The following KMT2C variants were observed in gnomAD, a reference collection of about 807,000 sequenced individuals.
The protein encoded by KMT2C is histone-lysine N-methyltransferase 2C.
A neutral mutation model predicts 507.9 loss-of-function variants in KMT2C; 88 were observed. That is an observed-to-expected ratio of 0.17 (90% confidence interval 0.15 to 0.21). The LOEUF (loss-of-function observed/expected upper bound fraction) is 0.21. Ranked by LOEUF, KMT2C falls within the 10% of genes least tolerant of loss-of-function variation. The pLI, the probability that KMT2C is intolerant of heterozygous loss-of-function variation, is 1.00. For synonymous variants in KMT2C, 2,049 were observed against 2,080.8 expected (o/e 0.98, Z 0.42); for missense variants, 4,954 against 5,957.8 (o/e 0.83, Z 5.55).
At chr7:152,332,478 G>A (rs1452252566) in intron 2 of KMT2C, among the ~76,000 whole-genome samples, 2 of 152,096 alleles carry the variant, frequency 1.3e-5, no homozygotes, top group Non-Finnish European at 2.9e-5. Flanking sequence ...CCAAATTCAT[G>A]AGATGGCATG....
intron 1 of KMT2C, among the ~76,000 whole-genome samples, chr7:152,424,475 T>G (rs1589958191): frequency 6.6e-6 from 1 of 152,046 alleles, no homozygotes; most frequent in East Asian, 1.9e-4. Context: ...CAGGCTTGAG[T>G]GCAATGGCAA....
intron 25 of KMT2C, among the ~76,000 whole-genome samples, chr7:152,204,195 C>T (rs1301036955): frequency 6.6e-6 from 1 of 151,246 alleles, no homozygotes; most frequent in African/African-American, 2.4e-5. Context: ...CCACTTGGGA[C>T]GCTGACGCAC....
At position 152,248,430 on chromosome 7, in the gene KMT2C, C is replaced by A; in HGVS notation, c.2004G>T (p.Gln668His). The A allele has an allele frequency of 6.2e-7, 1 of 1,614,106 alleles. No individual in the cohort carries two copies. The highest frequency in any genetic ancestry group is 8.5e-7 in the Non-Finnish European group (1 of 1,180,012). ...CCACTGTTTCAGGTTCCTCTAACAA[C>A]TGCAGTTGTTCTTGCTGCACAGTGA... ...HQITVQQEQL[Q>H]LLEEPETVVS... The change falls in exon 14 of 59, where the codon CAG becomes CAT. Residue 668 changes from glutamine to histidine, a missense_variant. By Grantham distance (24) the Gln-to-His change is conservative (BLOSUM62 0). Around this residue, in one of 29 missense-constraint regions of KMT2C, gnomAD observed 376 missense variants for 352.4 expected, o/e 1.07. Coordinates refer to ENST00000262189, the MANE Select transcript of KMT2C (RefSeq NM_170606.3).
chr7:152,267,712 C>A (rs1255917940), intron 7 of KMT2C, among the ~76,000 whole-genome samples: 2 of 152,180 alleles, frequency 1.3e-5, no homozygotes, highest in Non-Finnish European at 2.9e-5. Flanking sequence ...AACAATCTTT[C>A]AAAAATGTAA....
chr7:152,215,239 C>G (rs1326495398), intron 23 of KMT2C, among the ~76,000 whole-genome samples: 1 of 151,892 alleles, frequency 6.6e-6, no homozygotes, highest in Non-Finnish European at 1.5e-5. Flanking sequence ...GAAAGCCGAG[C>G]GCGGTGGCTC....
intron 9 of KMT2C, among the ~76,000 whole-genome samples, chr7:152,254,284 G>T (rs1463172437): frequency 6.6e-6 from 1 of 151,960 alleles, no homozygotes; most frequent in Non-Finnish European, 1.5e-5. Flanking sequence ...TTAAAAGAAT[G>T]TATTATCCTT....
chr7:152,221,093 T>G (rs2094753004), intron 22 of KMT2C, among the ~76,000 whole-genome samples: 1 of 152,094 alleles, frequency 6.6e-6, no homozygotes, highest in African/African-American at 2.4e-5. Context: ...CTGTCTCTTC[T>G]AAAAATACAA....
rs2091339907 is a variant in KMT2C, at chr7:152,148,332, A to G, written c.13595T>C (p.Val4532Ala). The change falls in exon 52 of 59, where the codon GTG (valine) becomes GCG (alanine). Residue 4532 changes from valine to alanine, a missense_variant. Transcript: ENST00000262189. This position sits in a 1 kb window ranked among gnomAD's most constrained non-coding sequence, Gnocchi z 7.1. ...TTGCACGATGCTAGCAATCTGTCGC[A>G]CCTCATCACGCTGAACATAGACCCT... The part of the protein sequence containing the change: ...FRRVYVQRDE[V>A]RQIASIVQRG... 3 of 1,614,256 alleles carry G rather than the reference A, an allele frequency of 1.9e-6. No individual in the cohort carries two copies. The highest frequency in any genetic ancestry group is 2.2e-5 in the East Asian group (1 of 44,882).
Position 152,148,914 on chromosome 7 carries a change from A to T in KMT2C, c.13013T>A (p.Val4338Asp). Residue 4338 changes from valine to aspartate, a missense_variant, in exon 52 of 59, where the codon GTC becomes GAC. Coordinates refer to ENST00000262189, the MANE Select transcript of KMT2C (RefSeq NM_170606.3). This position sits in a 1 kb window ranked among gnomAD's most constrained non-coding sequence, Gnocchi z 7.1. ...CCTGCAATCTTCAAACCCACCATGG[A>T]CAGCTCTTAGCCGAGGCTTCAGCTT... ...TVKLKPRLRAVHGGFEDCRPL... is the reference protein window; with the variant it reads ...TVKLKPRLRADHGGFEDCRPL... 1 of 1,613,906 alleles carries T rather than the reference A, an allele frequency of 6.2e-7. No homozygotes were observed.
chr7:152,432,354 CA>C (rs2097870539), intron 1 of KMT2C, among the ~76,000 whole-genome samples: 1 of 152,130 alleles, frequency 6.6e-6, no homozygotes, highest in Admixed American at 6.5e-5. Flanking sequence ...AAAAAAGCTT[CA>C]GAAAAATTTT....
chr7:152,346,997 T>G (rs566327630), intron 2 of KMT2C, among the ~76,000 whole-genome samples: 4 of 152,170 alleles, frequency 2.6e-5, no homozygotes, highest in East Asian at 3.9e-4. Context: ...CGTGGTGGCA[T>G]GTGCCTATAA....
At chr7:152,296,997 A>AAAAGAAAGAAAGAAAGAAAGAAAGAG (rs2096506257) in intron 6 of KMT2C, among the ~76,000 whole-genome samples, 14 of 59,010 alleles carry the variant, frequency 2.4e-4, no homozygotes, top group Non-Finnish European at 4.7e-4. Context: ...GAAAGAAAGA[A>AAAAGAAAGAAAGAAAGAAAGAAAGAG]AAAGAAAGAA....
intron 3 of KMT2C, among the ~76,000 whole-genome samples, chr7:152,318,755 AG>A (rs372240884): frequency 4.6e-5 from 7 of 152,144 alleles, no homozygotes; most frequent in African/African-American, 1.4e-4. Flanking sequence ...ATAAACCAAA[AG>A]GAAGTTTGAG....
rs765464598 is a variant in KMT2C, at chr7:152,252,609, A to C, written c.1406T>G (p.Phe469Cys). The C allele has an allele frequency of 2.5e-6, 4 of 1,613,436 alleles. No individual in the cohort carries two copies. In the East Asian group the frequency reaches 8.9e-5, roughly 36 times the overall value. ...TTCTGGATGATAACACTTCCCACAG[A>C]AGGGACATAAGTTATCCTGCTGTTG... ...CYQQQDNLCP[F>C]CGKCYHPELQ... is the part of the protein sequence containing the mutation. The change falls in exon 10 of 59, where the codon TTC (phenylalanine) becomes TGC (cysteine). Residue 469 changes from phenylalanine (F) to cysteine (C), a missense_variant. Transcript: ENST00000262189.
At chr7:152,284,712 A>G (rs2096268731) in intron 6 of KMT2C, among the ~76,000 whole-genome samples, 1 of 152,144 alleles carries the variant, frequency 6.6e-6, no homozygotes, top group Admixed American at 6.5e-5. Flanking sequence ...CTTACAACTC[A>G]AGAAGATGAC....
Position 152,162,312 on chromosome 7 carries a change from TGAG to T in KMT2C, c.11262_11264del (p.Ser3755del). Reference sequence around the variant, plus strand: ...CAGCAGAATGGGGAGGACTCTGTGCTGAGGAGACAGGACAGGCTACAGCGTTTC... The same window carrying T: ...CAGCAGAATGGGGAGGACTCTGTGCTGAGACAGGACAGGCTACAGCGTTTC... On this transcript the variant is annotated inframe_deletion, in exon 43 of 59. Transcript: ENST00000262189. 1 of 1,614,242 alleles carries T rather than the reference TGAG, an allele frequency of 6.2e-7. No homozygotes were observed. The highest frequency in any genetic ancestry group is 8.5e-7 in the Non-Finnish European group (1 of 1,180,038).
At chr7:152,343,304 T>TA (rs1396093629) in intron 2 of KMT2C, among the ~76,000 whole-genome samples, 8 of 152,194 alleles carry the variant, frequency 5.3e-5, no homozygotes, top group African/African-American at 1.9e-4. Flanking sequence ...ATTAAAATGA[T>TA]AGAGATTTTT....
intron 1 of KMT2C, among the ~76,000 whole-genome samples, chr7:152,417,915 T>A (rs906512933): frequency 6.9e-6 from 1 of 144,240 alleles, no homozygotes; most frequent in East Asian, 2.1e-4. Context: ...GTGCTGGGAT[T>A]ACAGGCATGA....
At chr7:152,294,505 T>G (rs1188316731) in intron 6 of KMT2C, among the ~76,000 whole-genome samples, 2 of 152,130 alleles carry the variant, frequency 1.3e-5, no homozygotes, top group Non-Finnish European at 2.9e-5. Flanking sequence ...GACATGTACC[T>G]GTAGTCCCAG....
Sources: allele counts gnomAD v4.1 joint callset (sites outside exome capture counted in the v4.1 genomes callset), GRCh38; gene constraint gnomAD v4.1.1; regional missense constraint gnomAD v4.1.1; non-coding constraint Gnocchi (gnomAD v3.1); transcripts MANE v1.5; gene names NCBI Gene and HGNC (gene_info 2026-07-23, HGNC 2026-07-21).